The following BORCS6 variants were observed in gnomAD, a reference collection of about 807,000 sequenced individuals.
BORCS6 encodes BLOC-1 related complex subunit 6, also known as BLOC-1-related complex subunit 6.
Under a neutral mutation model 17.0 loss-of-function variants are expected in BORCS6, and 12 were observed. The observed-to-expected ratio is 0.71, with a 90% CI of 0.45 to 1.15. BORCS6 has a LOEUF of 1.15. Ranked by LOEUF, BORCS6 falls within the 50% of genes most tolerant of loss-of-function variation. The pLI is 0.00. For missense variants in BORCS6, 513 were observed against 515.0 expected (o/e 1.00, Z 0.04); for synonymous variants, 262 against 241.7 (o/e 1.08, Z -0.78).
chr17:8,189,011 C>CT lies in BORCS6; in HGVS notation c.*55dup. 1 of 1,610,768 alleles carries CT rather than the reference C, an allele frequency of 6.2e-7. No homozygotes were observed. Among genetic ancestry groups the CT allele is most frequent in the Non-Finnish European group, 8.5e-7 (1 of 1,179,096 alleles). On this transcript the variant is annotated 3_prime_UTR_variant, in exon 1 of 1. Transcript: ENST00000389017. This position sits in a 1 kb window ranked among gnomAD's most constrained non-coding sequence, Gnocchi z 7.8. ...TCCCACCAGGACTCCCTGAAGAGTC[C>CT]TTAGGGTCCTGCTGGGCCCTGCCCT...
Position 8,189,038 on chromosome 17 carries a change from G to T in BORCS6, c.*29C>A. 1 of 1,613,728 alleles carries T rather than the reference G, an allele frequency of 6.2e-7. No individual in the cohort carries two copies. The highest frequency in any genetic ancestry group is 8.5e-7 in the Non-Finnish European group (1 of 1,179,924). The stretch of plus-strand genomic sequence containing the variant: ...TAGGGTCCTGCTGGGCCCTGCCCTG[G>T]CCAGGACCGGCCTCTCCTGTCCTCC... On this transcript the variant is annotated 3_prime_UTR_variant, in exon 1 of 1. Coordinates refer to ENST00000389017, the MANE Select transcript of BORCS6 (RefSeq NM_017622.3). The surrounding 1 kb of genome is among the most constrained non-coding windows in gnomAD (Gnocchi z 7.8).
Position 8,188,609 on chromosome 17 carries a change from G to A in BORCS6, c.*458C>T, listed in dbSNP as rs1009785247. On this transcript the variant is annotated 3_prime_UTR_variant, in exon 1 of 1. Transcript: ENST00000389017. ...AGGGGTGCATCTTTGCCTGCGGGGT[G>A]TTTGGCCAAGGACGGCACAAGCTCC... The A allele has an allele frequency of 1.0e-5, 2 of 198,632 alleles. No homozygotes were observed. The highest frequency in any genetic ancestry group is 7.5e-5 in the South Asian group (1 of 13,324). The allele number at this position is 198,632 out of a possible 1,614,324, so 12.3% of individuals were successfully genotyped here.
At position 8,189,375 on chromosome 17, in the gene BORCS6, T is replaced by C. The variant is rs757257526; in HGVS notation, c.766A>G (p.Ile256Val). ...APTPTPAIPP[I>V]DPEVLRDLER... The stretch of plus-strand genomic sequence containing the variant: ...AGATCCCGCAGCACCTCGGGGTCGA[T>C]TGGGGGAATGGCCGGTGTGGGTGTG... Residue 256 changes from isoleucine to valine, a missense_variant, in exon 1 of 1, where the codon ATC becomes GTC. Transcript: ENST00000389017. This position sits in a 1 kb window ranked among gnomAD's most constrained non-coding sequence, Gnocchi z 7.8. 40 of 1,601,906 alleles carry C rather than the reference T, an allele frequency of 2.5e-5. No individual in the cohort carries two copies. Among genetic ancestry groups the C allele is most frequent in the Non-Finnish European group, 2.8e-5 (33 of 1,173,458 alleles).
chr17:8,189,986 C>G lies in BORCS6; in HGVS notation c.155G>C (p.Gly52Ala). The change falls in exon 1 of 1, where the codon GGG becomes GCG. Residue 52 changes from glycine to alanine, a missense_variant. Coordinates refer to ENST00000389017, the MANE Select transcript of BORCS6 (RefSeq NM_017622.3). This position sits in a 1 kb window ranked among gnomAD's most constrained non-coding sequence, Gnocchi z 7.8. ...CGTCCTGGGGTGGCGGTTCGCGCCC[C>G]CAACGTTCTCGGTCTCTTCCTCCCC... is the stretch of plus-strand genomic sequence containing the variant. ...VSGEEETENV[G>A]GANRHPRTSP... The G allele has an allele frequency of 6.5e-7, 1 of 1,549,986 alleles. No homozygotes were observed. Among genetic ancestry groups the G allele is most frequent in the Non-Finnish European group, 8.7e-7 (1 of 1,146,840 alleles).
chr17:8,190,014 A>G lies in BORCS6; in HGVS notation c.127T>C (p.Ser43Pro). 1 of 1,549,800 alleles carries G rather than the reference A, an allele frequency of 6.5e-7. No individual in the cohort carries two copies. The highest frequency in any genetic ancestry group is 1.2e-5 in the South Asian group (1 of 84,036). ...SSEPPAGLRV[S>P]GEEETENVGG... ...ACGTTCTCGGTCTCTTCCTCCCCGGACACCCGGAGGCCTGCGGGCGGCTCA... is the reference window on the plus strand; with the variant it reads ...ACGTTCTCGGTCTCTTCCTCCCCGGGCACCCGGAGGCCTGCGGGCGGCTCA... The change falls in exon 1 of 1, where the codon TCC becomes CCC. Residue 43 changes from serine to proline, a missense_variant. Ser to Pro is a moderately conservative substitution (Grantham distance 74, BLOSUM62 -1). Transcript: ENST00000389017.
chr17:8,189,803 G>A lies in BORCS6; in HGVS notation c.338C>T (p.Pro113Leu), dbSNP rs772963022. Residue 113 changes from proline (P) to leucine (L), a missense_variant, in exon 1 of 1, where the codon CCG becomes CTG. Physicochemically the swap from Pro to Leu is moderately conservative, Grantham distance 98. Transcript: ENST00000389017. The surrounding 1 kb of genome is among the most constrained non-coding windows in gnomAD (Gnocchi z 7.8). The part of the protein sequence containing the change: ...EPSLSSRHKN[P>L]APPEGKPSSG... ...GGAGGGCTTGCCCTCGGGCGGCGCC[G>A]GGTTCTTGTGCCGGGAGGACAGGGA... The A allele has an allele frequency of 3.1e-6, 5 of 1,590,794 alleles. No homozygotes were observed. Among genetic ancestry groups the A allele is most frequent in the Non-Finnish European group, 4.3e-6 (5 of 1,173,418 alleles).
Position 8,189,261 on chromosome 17 carries a change from C to CG in BORCS6, c.879dup (p.Val294ArgfsTer16). 1.9e-6 allele frequency: 3 copies of CG among 1,613,958 alleles called. No homozygotes were observed. The highest frequency in any genetic ancestry group is 2.5e-6 in the Non-Finnish European group (3 of 1,179,994). On this transcript the variant is annotated frameshift_variant, in exon 1 of 1. Transcript: ENST00000389017. LOFTEE classifies it high-confidence loss of function. This position sits in a 1 kb window ranked among gnomAD's most constrained non-coding sequence, Gnocchi z 7.8. ...TCGCGGTAGGTCTGGATGCAACCCA[C>CG]GCTCAGCGCCGTCAGCTCCTGCACC...
In BORCS6 at chr17:8,188,735, A is replaced by G. The variant is rs1226582129; in HGVS notation, c.*332T>C. On this transcript the variant is annotated 3_prime_UTR_variant, in exon 1 of 1. Transcript: ENST00000389017. Reference sequence around the variant, plus strand: ...TTTCTCCTGATTACATGTGGGAGTCACGTCCTCACCTTCAAGCAGACCTAA... The same window carrying G: ...TTTCTCCTGATTACATGTGGGAGTCGCGTCCTCACCTTCAAGCAGACCTAA... 2 of 370,590 alleles carry G rather than the reference A, an allele frequency of 5.4e-6. No homozygotes were observed. Among genetic ancestry groups the G allele is most frequent in the African/African-American group, 4.2e-5 (2 of 47,562 alleles). The allele number at this position is 370,590 out of a possible 1,614,324, so 23.0% of individuals were successfully genotyped here.
chr17:8,189,125 G>A lies in BORCS6; in HGVS notation c.1016C>T (p.Ala339Val). The A allele has an allele frequency of 6.2e-7, 1 of 1,614,072 alleles. No homozygotes were observed. Among genetic ancestry groups the A allele is most frequent in the Non-Finnish European group, 8.5e-7 (1 of 1,180,022 alleles). ...ACGTCGGATATCCCGGACTTGGCGC[G>A]CCAGCCCCTGAACCGGCTGCAGAGC... ...ERALQPVQGLARQVRDIRRTL... is the reference protein window; with the variant it reads ...ERALQPVQGLVRQVRDIRRTL... Residue 339 changes from alanine (A) to valine (V), a missense_variant, in exon 1 of 1, where the codon GCG (alanine) becomes GTG (valine). By Grantham distance (64) the Ala-to-Val change is moderately conservative. Coordinates refer to ENST00000389017, the MANE Select transcript of BORCS6 (RefSeq NM_017622.3). This position sits in a 1 kb window ranked among gnomAD's most constrained non-coding sequence, Gnocchi z 7.8.
rs1984611936 is a variant in BORCS6 at position 8,190,177 on chromosome 17, C to T, written c.-37G>A. The T allele has an allele frequency of 6.6e-7, 1 of 1,525,404 alleles. No individual in the cohort carries two copies. The highest frequency in any genetic ancestry group is 2.3e-5 in the Admixed American group (1 of 43,388). The allele number at this position is 1,525,404 out of a possible 1,614,324, so 94.5% of individuals were successfully genotyped here. A position where few individuals can be genotyped will look rare whatever the true frequency, so the allele number is the denominator to read the frequency against. ...GGGCCGCAACGGAGGAATTGGTTCG[C>T]CCCGGCTCCGGAGGCAGTGGCTGCG... On this transcript the variant is annotated 5_prime_UTR_variant, in exon 1 of 1. Transcript: ENST00000389017.
At position 8,189,517 on chromosome 17, in the gene BORCS6, G is replaced by A; in HGVS notation, c.624C>T (p.Ser208=). The A allele has an allele frequency of 3.2e-6, 5 of 1,572,862 alleles. No individual in the cohort carries two copies. Among genetic ancestry groups the A allele is most frequent in the African/African-American group, 1.4e-5 (1 of 73,646 alleles). Residue 208 remains serine, a synonymous_variant, in exon 1 of 1, where the codon AGC becomes AGT. Coordinates refer to ENST00000389017, the MANE Select transcript of BORCS6 (RefSeq NM_017622.3). The surrounding 1 kb of genome is among the most constrained non-coding windows in gnomAD (Gnocchi z 7.8). ...SSPLELEGTV[S]RHGDLTHFVA... is the part of the protein sequence containing the mutation. Reference sequence around the variant, plus strand: ...CAAAGTGGGTAAGGTCGCCGTGGCGGCTCACTGTGCCTTCGAGCTCCAGGG... The same window carrying A: ...CAAAGTGGGTAAGGTCGCCGTGGCGACTCACTGTGCCTTCGAGCTCCAGGG...
In BORCS6 at chr17:8,189,159, G is replaced by A. The variant is rs765712497; in HGVS notation, c.982C>T (p.Leu328=). The change falls in exon 1 of 1, where the codon CTG becomes TTG. Residue 328 remains leucine, a synonymous_variant. Coordinates refer to ENST00000389017, the MANE Select transcript of BORCS6 (RefSeq NM_017622.3). The surrounding 1 kb of genome is among the most constrained non-coding windows in gnomAD (Gnocchi z 7.8). ...MYTLLARCEE[L]ERALQPVQGL... ...TGAACCGGCTGCAGAGCCCGCTCCA[G>A]CTCCTCGCAGCGCGCCAGCAGGGTG... 2.5e-6 allele frequency: 4 copies of A among 1,614,100 alleles called. No individual in the cohort carries two copies. The highest frequency in any genetic ancestry group is 1.7e-5 in the Admixed American group (1 of 60,024).
chr17:8,189,900 C>T lies in BORCS6; in HGVS notation c.241G>A (p.Glu81Lys), dbSNP rs922357133. 3.2e-6 allele frequency: 5 copies of T among 1,547,776 alleles called. No homozygotes were observed. Among genetic ancestry groups the T allele is most frequent in the South Asian group, 2.4e-5 (2 of 84,094 alleles). The part of the protein sequence containing the change: ...HRPEREALEN[E>K]PGPQGTLSGA... Reference sequence around the variant, plus strand: ...GACAGCGTCCCTTGAGGGCCGGGCTCGTTCTCCAGAGCCTCCCGTTCCGGC... The same window carrying T: ...GACAGCGTCCCTTGAGGGCCGGGCTTGTTCTCCAGAGCCTCCCGTTCCGGC... The change falls in exon 1 of 1, where the codon GAG becomes AAG. Residue 81 changes from glutamate (E) to lysine (K), a missense_variant. Coordinates refer to ENST00000389017, the MANE Select transcript of BORCS6 (RefSeq NM_017622.3). This position sits in a 1 kb window ranked among gnomAD's most constrained non-coding sequence, Gnocchi z 7.8.
In BORCS6 at chr17:8,190,132, C is replaced by G; in HGVS notation, c.9G>C (p.Ser3=). 4 of 1,548,348 alleles carry G rather than the reference C, an allele frequency of 2.6e-6. No homozygotes were observed. The highest frequency in any genetic ancestry group is 3.5e-6 in the Non-Finnish European group (4 of 1,146,352). The part of the protein sequence containing the change: ME[S]SRGRPGPETD... ...TCTCGGGCCCGGGCCGCCCCCGAGA[C>G]GACTCCATACTGCAGGTGGGGGCCG... The change falls in exon 1 of 1, where the codon TCG becomes TCC. Residue 3 remains serine, a synonymous_variant. Coordinates refer to ENST00000389017, the MANE Select transcript of BORCS6 (RefSeq NM_017622.3).
In BORCS6 at chr17:8,189,322, G is replaced by T; in HGVS notation, c.819C>A (p.Gly273=). The change falls in exon 1 of 1, where the codon GGC becomes GGA. Residue 273 remains glycine, a synonymous_variant. Transcript: ENST00000389017. This position sits in a 1 kb window ranked among gnomAD's most constrained non-coding sequence, Gnocchi z 7.8. ...DLERLSRELG[G]RVDRLLRGLG... Reference sequence around the variant, plus strand: ...GACCGCGAAGCAGACGGTCCACCCGGCCTCCCAGCTCCCGACTCAACCGCT... The same window carrying T: ...GACCGCGAAGCAGACGGTCCACCCGTCCTCCCAGCTCCCGACTCAACCGCT... 6.2e-7 allele frequency: 1 copy of T among 1,613,128 alleles called. No individual in the cohort carries two copies. The highest frequency in any genetic ancestry group is 1.1e-5 in the South Asian group (1 of 91,016).
Position 8,189,685 on chromosome 17 carries a change from G to C in BORCS6, c.456C>G (p.Gly152=). Residue 152 remains glycine (G), a synonymous_variant, in exon 1 of 1, where the codon GGC becomes GGG. Transcript: ENST00000389017. The surrounding 1 kb of genome is among the most constrained non-coding windows in gnomAD (Gnocchi z 7.8). ...TGGAGAACGAGCGGCCGGCTCTGCT[G>C]CCCGCGGCCGCCTCCTCGTCGTTGT... The part of the protein sequence containing the change: ...EEDNDEEAAA[G]SRAGRSFSSR... 1 of 1,598,470 alleles carries C rather than the reference G, an allele frequency of 6.3e-7. No homozygotes were observed. Among genetic ancestry groups the C allele is most frequent in the South Asian group, 1.1e-5 (1 of 91,076 alleles).
chr17:8,189,726 G>A lies in BORCS6; in HGVS notation c.415C>T (p.Gln139Ter). 6.3e-7 allele frequency: 1 copy of A among 1,599,414 alleles called. No homozygotes were observed. The highest frequency in any genetic ancestry group is 8.5e-7 in the Non-Finnish European group (1 of 1,179,682). The change falls in exon 1 of 1, where the codon CAG becomes TAG. Residue 139 changes from glutamine (Q) to a stop codon, truncating the protein, a stop_gained. Transcript: ENST00000389017. LOFTEE classifies it high-confidence loss of function. This position sits in a 1 kb window ranked among gnomAD's most constrained non-coding sequence, Gnocchi z 7.8. ...GGPGGGMDVEQQEEEDNDEEA... is the reference protein window; with the variant it reads ...GGPGGGMDVE ...TCGTCGTTGTCTTCCTCCTCCTGCT[G>A]CTCAACATCCATCCCGCCGCCTGGT...
rs921372904 is a variant in BORCS6 at position 8,188,381 on chromosome 17, G to C, written c.*686C>G. The C allele has an allele frequency of 6.5e-6, 1 of 153,662 alleles. No individual in the cohort carries two copies. The highest frequency in any genetic ancestry group is 2.4e-5 in the African/African-American group (1 of 41,430). The allele number at this position is 153,662 out of a possible 1,614,324, so 9.5% of individuals were successfully genotyped here. Reference sequence around the variant, plus strand: ...AGCACTTTAATTCCACAAAAACTCAGAAAGCCAAAACTGATTAGAACACTC... The same window carrying C: ...AGCACTTTAATTCCACAAAAACTCACAAAGCCAAAACTGATTAGAACACTC... On this transcript the variant is annotated 3_prime_UTR_variant, in exon 1 of 1. Coordinates refer to ENST00000389017, the MANE Select transcript of BORCS6 (RefSeq NM_017622.3).
In BORCS6 at chr17:8,188,828, A is replaced by C; in HGVS notation, c.*239T>G. 2 of 591,582 alleles carry C rather than the reference A, an allele frequency of 3.4e-6. No homozygotes were observed. Among genetic ancestry groups the C allele is most frequent in the Non-Finnish European group, 3.0e-6 (1 of 338,080 alleles). 36.6% of individuals were successfully genotyped at this position (591,582 alleles called of 1,614,324 possible). On this transcript the variant is annotated 3_prime_UTR_variant, in exon 1 of 1. Transcript: ENST00000389017. Reference sequence around the variant, plus strand: ...GTTGGGAAGAACAGGGTAGCTACAGATGGCCAACTGAATACAAGCAGAGCA... The same window carrying C: ...GTTGGGAAGAACAGGGTAGCTACAGCTGGCCAACTGAATACAAGCAGAGCA...
Sources: allele counts gnomAD v4.1 joint callset, GRCh38; gene constraint gnomAD v4.1.1; non-coding constraint Gnocchi (gnomAD v3.1); transcripts MANE v1.5; gene names NCBI Gene and HGNC (gene_info 2026-07-23, HGNC 2026-07-21).